The following GUF1 variants were observed in gnomAD, a reference collection of about 807,000 sequenced individuals.
GUF1 encodes the protein GTP binding elongation factor GUF1, also known as translation factor GUF1, mitochondrial.
In GUF1, 78 loss-of-function variants were observed where a neutral mutation model predicts 82.4. That is an observed-to-expected ratio of 0.95 (90% confidence interval 0.79 to 1.14). GUF1 has a LOEUF of 1.14. GUF1 is among the 50% of genes most tolerant of loss of function. The probability of loss-of-function intolerance (pLI) is 0.00; values close to 1 mark genes in which losing one functional copy is unlikely to be tolerated. For missense variants in GUF1, 814 were observed against 798.2 expected (o/e 1.02, Z -0.24); for synonymous variants, 279 against 282.3 (o/e 0.99, Z 0.12).
At chr4:44,685,862 A>AT (rs978337671) in intron 6 of GUF1, 97 bp from the exon 7 acceptor site, 715 of 733,286 alleles carry the variant, frequency 9.8e-4, no homozygotes, top group Non-Finnish European at 1.1e-3. Context: ...AACTATTGGA[A>AT]TTTTTTTTTC....
rs1030363045 is a variant in GUF1 at position 44,700,819 on chromosome 4, G to T, written c.*2138G>T. 2 of 152,226 alleles carry T rather than the reference G, an allele frequency of 1.3e-5. No homozygotes were observed. The highest frequency in any genetic ancestry group is 4.1e-4 in the South Asian group (2 of 4,830). The allele number at this position is 152,226 out of a possible 1,614,324, so 9.4% of individuals were successfully genotyped here. Reference sequence around the variant, plus strand: ...CTAGATACATACATTATCATCTTATGTATCTTCCCTCCCTCTTCCAGGTTC... The same window carrying T: ...CTAGATACATACATTATCATCTTATTTATCTTCCCTCCCTCTTCCAGGTTC... On this transcript the variant is annotated 3_prime_UTR_variant, in exon 17 of 17. Transcript: ENST00000281543.
chr4:44,689,713 A>C, intron 10 of GUF1, 130 bp from the exon 11 acceptor site: 1 of 736,690 alleles, frequency 1.4e-6, no homozygotes, highest in Non-Finnish European at 2.1e-6. Flanking sequence ...GCTAGCATTT[A>C]ATTATATTGT....
At chr4:44,697,370 T>C in intron 15 of GUF1, 38 bp from the exon 16 acceptor site, 3 of 1,389,624 alleles carry the variant, frequency 2.2e-6, no homozygotes, top group Non-Finnish European at 3.0e-6. Context: ...AACAGTATAA[T>C]GGAATTATGT....
At chr4:44,681,083 T>C (rs1336054881) in intron 3 of GUF1, 40 bp from the exon 4 acceptor site, 2 of 1,519,236 alleles carry the variant, frequency 1.3e-6, no homozygotes, top group South Asian at 1.1e-5. Context: ...TCCTAAAAAA[T>C]TAACTCACAT....
Position 44,686,032 on chromosome 4 carries a change from T to C in GUF1, c.734+9T>C, listed in dbSNP as rs1715026639. The C allele has an allele frequency of 6.4e-7, 1 of 1,574,710 alleles. No homozygotes were observed. Among genetic ancestry groups the C allele is most frequent in the African/African-American group, 1.4e-5 (1 of 74,026 alleles). ...ATTGAAAGAATCCCCCCGTGAGTAT[T>C]TGGTGATTTTTGTACTAGTTGTCTC... On this transcript the variant is annotated intron_variant, in intron 7 of 16. Coordinates refer to ENST00000281543, the MANE Select transcript of GUF1 (RefSeq NM_021927.3).
chr4:44,690,421 G>A (rs1256519625), intron 11 of GUF1, among the ~76,000 whole-genome samples: 1 of 151,660 alleles, frequency 6.6e-6, no homozygotes, highest in African/African-American at 2.4e-5. Flanking sequence ...GTGGCAATCT[G>A]TTCATTTTAA....
In GUF1 at chr4:44,698,861, T is replaced by G; in HGVS notation, c.*180T>G. 1 of 560,498 alleles carries G rather than the reference T, an allele frequency of 1.8e-6. No homozygotes were observed. The highest frequency in any genetic ancestry group is 3.1e-5 in the East Asian group (1 of 31,918). The allele number at this position is 560,498 out of a possible 1,614,324, so 34.7% of individuals were successfully genotyped here. Reference sequence around the variant, plus strand: ...TAGATTTTGAAGCCATGTTGCCTGTTCTCAAATATCTGTTCCAACCACTCA... The same window carrying G: ...TAGATTTTGAAGCCATGTTGCCTGTGCTCAAATATCTGTTCCAACCACTCA... On this transcript the variant is annotated 3_prime_UTR_variant, in exon 17 of 17. Transcript: ENST00000281543.
Position 44,690,858 on chromosome 4 carries a change from G to A in GUF1, c.1477G>A (p.Glu493Lys), listed in dbSNP as rs759173665. The A allele has an allele frequency of 2.4e-5, 38 of 1,595,830 alleles. No individual in the cohort carries two copies. Among genetic ancestry groups the A allele is most frequent in the African/African-American group, 4.0e-5 (3 of 74,168 alleles). Residue 493 changes from glutamate to lysine, a missense_variant and splice_region_variant, in exon 12 of 17, where the codon GAG (glutamate) becomes AAG (lysine). By Grantham distance (56) the Glu-to-Lys change is moderately conservative. Coordinates refer to ENST00000281543, the MANE Select transcript of GUF1 (RefSeq NM_021927.3). ...CACTGGAAAAATAATGATGCTTTGC[G>A]AGGTATAACTATAATACAATTTAAT... ...EYTGKIMMLC[E>K]ARRAVQKNMI...
chr4:44,698,420 G>A (rs958247679), intron 16 of GUF1, 124 bp from the exon 17 acceptor site: 147 of 675,618 alleles, frequency 2.2e-4, no homozygotes, highest in South Asian at 1.0e-3. Context: ...GAAGATTAGA[G>A]AGATGTCTGC....
chr4:44,681,044 A>C (rs1714744389), intron 3 of GUF1, 79 bp from the exon 4 acceptor site: 1 of 1,288,502 alleles, frequency 7.8e-7, no homozygotes, highest in African/African-American at 1.5e-5. Flanking sequence ...TTTATCAAGT[A>C]AAGTCAATAA....
chr4:44,692,236 A>G (rs990790621), intron 13 of GUF1, among the ~76,000 whole-genome samples: 4 of 151,998 alleles, frequency 2.6e-5, no homozygotes, highest in Non-Finnish European at 5.9e-5. Context: ...GTGCCGCTCC[A>G]TTAGTGAACA....
At chr4:44,686,111 G>C (rs1356840190) in intron 7 of GUF1, 88 bp downstream of exon 7, 3 of 890,504 alleles carry the variant, frequency 3.4e-6, no homozygotes, top group Non-Finnish European at 3.6e-6. Flanking sequence ...CTGTCAGCTT[G>C]AACTGTTATT....
Position 44,698,569 on chromosome 4 carries a change from T to G in GUF1, c.1898T>G (p.Met633Arg), listed in dbSNP as rs1184949804. ...KCYGGDITRK[M>R]KLLKRQAEGK... Reference sequence around the variant, plus strand: ...TATGGTGGTGATATTACCCGAAAAATGAAGCTTTTGAAGAGACAAGCAGAA... The same window carrying G: ...TATGGTGGTGATATTACCCGAAAAAGGAAGCTTTTGAAGAGACAAGCAGAA... Residue 633 changes from methionine to arginine, a missense_variant, in exon 17 of 17, where the codon ATG becomes AGG. Coordinates refer to ENST00000281543, the MANE Select transcript of GUF1 (RefSeq NM_021927.3). 1.2e-6 allele frequency: 2 copies of G among 1,600,044 alleles called. No homozygotes were observed. Among genetic ancestry groups the G allele is most frequent in the Non-Finnish European group, 1.7e-6 (2 of 1,176,292 alleles).
intron 6 of GUF1, among the ~76,000 whole-genome samples, chr4:44,684,603 A>G (rs62305374): frequency 0.034 from 5,106 of 152,234 alleles, 126 homozygotes; most frequent in Middle Eastern, 0.051. Context: ...GAATCCAGCT[A>G]TTAATGGTAG....
At chr4:44,696,499 G>A (rs1018356540) in intron 15 of GUF1, among the ~76,000 whole-genome samples, 16 of 152,146 alleles carry the variant, frequency 1.1e-4, no homozygotes, top group Admixed American at 6.5e-4. Context: ...GATGTGTCTT[G>A]TAGCACTTCC....
chr4:44,696,669 C>T lies in GUF1; in HGVS notation c.1836-739C>T, dbSNP rs535955262. On this transcript the variant is annotated intron_variant, in intron 15 of 16. Coordinates refer to ENST00000281543, the MANE Select transcript of GUF1 (RefSeq NM_021927.3). ...AGACTTGAGGTTAATTTTAGGCCCA[C>T]TGTTTGAAATACATTTCATTTCCTA... 6.6e-5 allele frequency among the ~76,000 whole-genome samples: 10 copies of T among 152,284 alleles called. 1 individual carries two copies. The South Asian group carries it at 1.7e-3, about 25-fold the overall frequency.
intron 1 of GUF1, 77 bp from the exon 2 acceptor site, chr4:44,680,364 A>G (rs958955404): frequency 1.6e-6 from 1 of 624,860 alleles, no homozygotes; most frequent in African/African-American, 1.9e-5. Context: ...CGATTAAAAG[A>G]ATATTCTTTG....
intron 8 of GUF1, among the ~76,000 whole-genome samples, chr4:44,687,582 A>G (rs942009684): frequency 6.6e-6 from 1 of 151,758 alleles, no homozygotes; most frequent in Non-Finnish European, 1.5e-5. Context: ...TCAAGTGTCC[A>G]GTTTGTTGAG....
intron 9 of GUF1, among the ~76,000 whole-genome samples, 155 bp from the exon 10 acceptor site, chr4:44,689,127 ATCAT>A (rs1372769463): frequency 6.6e-6 from 1 of 151,818 alleles, no homozygotes; most frequent in East Asian, 1.9e-4. Context: ...AAACCAAATA[ATCAT>A]TCATTTTTAG....
Sources: allele counts gnomAD v4.1 joint callset (sites outside exome capture counted in the v4.1 genomes callset), GRCh38; gene constraint gnomAD v4.1.1; transcripts MANE v1.5; gene names NCBI Gene and HGNC (gene_info 2026-07-23, HGNC 2026-07-21).